RNF144A: variants seen among roughly 807,000 people sequenced by gnomAD.
The protein encoded by RNF144A is ring finger protein 144A, also known as E3 ubiquitin-protein ligase RNF144A.
A neutral mutation model predicts 38.7 loss-of-function variants in RNF144A; 11 were observed. That is an observed-to-expected ratio of 0.28 (90% confidence interval 0.18 to 0.47). The LOEUF (loss-of-function observed/expected upper bound fraction) is 0.47, where lower values mean the gene tolerates loss of function less well. Ranked by LOEUF, RNF144A falls within the 20% of genes least tolerant of loss-of-function variation. The pLI is 0.99. For synonymous variants in RNF144A, 149 were observed against 143.9 expected, an observed-to-expected ratio of 1.04 and a Z score of -0.25; for missense variants, 316 against 377.2, an observed-to-expected ratio of 0.84 and a Z score of 1.34.
chr2:7,064,857 C>A (rs921279602), intron 6 of RNF144A, among the ~76,000 whole-genome samples: 1 of 152,228 alleles, frequency 6.6e-6, no homozygotes, highest in African/African-American at 2.4e-5. Flanking sequence ...AAGTTCTAAG[C>A]AGCCCTGAAG....
intron 2 of RNF144A, among the ~76,000 whole-genome samples, chr2:6,995,150 T>G (rs1285775186): frequency 1.3e-5 from 2 of 152,086 alleles, no homozygotes; most frequent in South Asian, 4.1e-4. Flanking sequence ...TAACTAAATA[T>G]TAGCGCAGTG....
intron 2 of RNF144A, among the ~76,000 whole-genome samples, chr2:6,977,222 A>G (rs1403254771): frequency 6.6e-6 from 1 of 152,254 alleles, no homozygotes; most frequent in Non-Finnish European, 1.5e-5. Context: ...CGTTCTCCAC[A>G]TGAGTAAAGC....
intron 8 of RNF144A, among the ~76,000 whole-genome samples, chr2:7,034,271 C>CAA (rs577715862): frequency 4.4e-5 from 5 of 113,866 alleles, no homozygotes; most frequent in East Asian, 2.5e-4. Context: ...GACTCTGTCT[C>CAA]AAAAAAAAAA....
rs142672523 is a variant in RNF144A, at chr2:6,963,365, C to G, written c.-12+22218C>G. On this transcript the variant is annotated intron_variant, in intron 2 of 8. Coordinates refer to ENST00000320892, the MANE Select transcript of RNF144A (RefSeq NM_014746.6). ...ATTTACCTTCTGTGTTGGCTCCATC[C>G]TGTTCCTTAATGGACTGATGAACCT... Among the ~76,000 whole-genome samples the G allele has an allele frequency of 1.4e-4, 22 of 152,326 alleles. No individual in the cohort carries two copies. In the East Asian group the frequency reaches 3.9e-3, roughly 27 times the overall value.
In RNF144A at chr2:7,042,100, G is replaced by C; in HGVS notation, c.*2340G>C. Reference sequence around the variant, plus strand: ...AAGCATGCCTCAGTTTCCTCATTTTGATCTAGATATAAAATTAAAATTGTC... The same window carrying C: ...AAGCATGCCTCAGTTTCCTCATTTTCATCTAGATATAAAATTAAAATTGTC... On this transcript the variant is annotated 3_prime_UTR_variant, in exon 9 of 9. Coordinates refer to ENST00000320892, the MANE Select transcript of RNF144A (RefSeq NM_014746.6). 3.0e-6 allele frequency: 3 copies of C among 985,236 alleles called. No homozygotes were observed. The highest frequency in any genetic ancestry group is 3.6e-6 in the Non-Finnish European group (3 of 829,856). 61.0% of individuals were successfully genotyped at this position (985,236 alleles called of 1,614,324 possible).
chr2:6,986,290 G>A (rs1668960350), intron 2 of RNF144A, among the ~76,000 whole-genome samples: 3 of 151,448 alleles, frequency 2.0e-5, no homozygotes, highest in South Asian at 2.1e-4. Context: ...ATTTCCACCC[G>A]ATTTCCTCCT....
rs948987999 is a variant in RNF144A, at chr2:6,975,110, A to G, written c.-11-21806A>G. On this transcript the variant is annotated intron_variant, in intron 2 of 8. Coordinates refer to ENST00000320892, the MANE Select transcript of RNF144A (RefSeq NM_014746.6). ...AGACATACCCAAGACTGAGAAACTTACAAAAGATAGGTTTAATTGGACTGA... is the reference window on the plus strand; with the variant it reads ...AGACATACCCAAGACTGAGAAACTTGCAAAAGATAGGTTTAATTGGACTGA... 3.9e-5 allele frequency among the ~76,000 whole-genome samples: 6 copies of G among 152,226 alleles called. No individual in the cohort carries two copies. The East Asian group carries it at 7.7e-4, about 19-fold the overall frequency.
intron 6 of RNF144A, among the ~76,000 whole-genome samples, chr2:7,056,854 T>C (rs1315801505): frequency 2.0e-5 from 3 of 152,202 alleles, no homozygotes; most frequent in East Asian, 1.9e-4. Flanking sequence ...CCTGCTTCCA[T>C]TGCAGTGAGG....
chr2:7,023,849 C>G (rs1378407710), intron 6 of RNF144A, among the ~76,000 whole-genome samples: 1 of 152,204 alleles, frequency 6.6e-6, no homozygotes, highest in Non-Finnish European at 1.5e-5. Flanking sequence ...GCAGACCTAG[C>G]CAACTTCTGA....
chr2:6,988,993 T>C (rs771264), intron 2 of RNF144A, among the ~76,000 whole-genome samples: 78,378 of 151,920 alleles, frequency 0.52, 20,862 homozygotes, highest in African/African-American at 0.6. Flanking sequence ...GGACATCCTC[T>C]AGCTCAACTC....
At chr2:6,988,699 TTTTTCCACCA>T (rs1029004856) in intron 2 of RNF144A, among the ~76,000 whole-genome samples, 2 of 152,114 alleles carry the variant, frequency 1.3e-5, no homozygotes, top group Admixed American at 6.5e-5. Flanking sequence ...TGTGAGCTCC[TTTTTCCACCA>T]TTTTCTAAAC....
chr2:7,050,814 G>A (rs942795444), intron 6 of RNF144A, among the ~76,000 whole-genome samples: 7 of 152,200 alleles, frequency 4.6e-5, no homozygotes, highest in Non-Finnish European at 1.0e-4. Flanking sequence ...GCATTGGAGG[G>A]GAATGTCGAA....
intron 2 of RNF144A, among the ~76,000 whole-genome samples, chr2:6,983,423 G>A (rs1668763428): frequency 6.6e-6 from 1 of 152,176 alleles, no homozygotes; most frequent in South Asian, 2.1e-4. Flanking sequence ...TTTTTATCTG[G>A]TAGTGAGGTT....
chr2:7,037,295 G>A (rs1205868942), intron 8 of RNF144A, among the ~76,000 whole-genome samples: 1 of 152,218 alleles, frequency 6.6e-6, no homozygotes, highest in African/African-American at 2.4e-5. Flanking sequence ...GGTAGACTGA[G>A]TGAAAAGCGA....
chr2:6,963,036 G>C (rs1360002711), intron 2 of RNF144A, among the ~76,000 whole-genome samples: 2 of 152,236 alleles, frequency 1.3e-5, no homozygotes, highest in South Asian at 2.1e-4. Flanking sequence ...ATTAGGCTAA[G>C]TTATAAGTGG....
chr2:6,995,641 C>T (rs1224685859), intron 2 of RNF144A, among the ~76,000 whole-genome samples: 2 of 152,200 alleles, frequency 1.3e-5, no homozygotes, highest in Non-Finnish European at 2.9e-5. Context: ...CACAGGAGAA[C>T]GACAGAGGCC....
downstream of RNF144A, among the ~76,000 whole-genome samples, chr2:7,071,102 T>G (rs192794146): frequency 6.6e-6 from 1 of 152,016 alleles, no homozygotes; most frequent in Non-Finnish European, 1.5e-5. Flanking sequence ...GCCAGGCTAA[T>G]TTTTTGTATT....
intron 3 of RNF144A, among the ~76,000 whole-genome samples, chr2:6,998,115 A>G (rs573522511): frequency 2.6e-5 from 4 of 152,352 alleles, no homozygotes; most frequent in African/African-American, 9.6e-5. Flanking sequence ...GCTGAAAAAT[A>G]AAACACAATA....
rs890399736 is a variant in RNF144A, at chr2:7,042,930, G to A, written c.*3170G>A. 1.6e-5 allele frequency: 14 copies of A among 869,678 alleles called. No individual in the cohort carries two copies. In the African/African-American group the frequency reaches 2.2e-4, roughly 14 times the overall value. The allele number at this position is 869,678 out of a possible 1,614,324, so 53.9% of individuals were successfully genotyped here. A position where few individuals can be genotyped will look rare whatever the true frequency, so the allele number is the denominator to read the frequency against. On this transcript the variant is annotated 3_prime_UTR_variant, in exon 9 of 9. Coordinates refer to ENST00000320892, the MANE Select transcript of RNF144A (RefSeq NM_014746.6). ...TCCCCCAAGCTGGAGTACAATGACA[G>A]GATCTCGGCTCACTGCAAGCTCTGC...
Sources: allele counts gnomAD v4.1 joint callset (sites outside exome capture counted in the v4.1 genomes callset), GRCh38; gene constraint gnomAD v4.1.1; transcripts MANE v1.5; gene names NCBI Gene and HGNC (gene_info 2026-07-23, HGNC 2026-07-21).